The following DPYSL3 variants were observed in gnomAD, a reference collection of about 807,000 sequenced individuals.
DPYSL3 encodes dihydropyrimidinase-related protein 3.
DPYSL3 carries 16 observed loss-of-function variants against 66.1 expected under a neutral mutation model. The observed-to-expected ratio is 0.24, with a 90% CI of 0.16 to 0.37. The LOEUF is 0.37. Among genes scored for constraint, DPYSL3 ranks in the 10% least tolerant of loss-of-function variants. The pLI, the probability that DPYSL3 is intolerant of heterozygous loss-of-function variation, is 1.00. For synonymous variants in DPYSL3, 338 were observed against 345.1 expected (o/e 0.98, Z 0.23); for missense variants, 738 against 916.2 (o/e 0.81, Z 2.51).
At chr5:147,452,538 A>G (rs1752751815) in intron 1 of DPYSL3, among the ~76,000 whole-genome samples, 1 of 151,988 alleles carries the variant, frequency 6.6e-6, no homozygotes, top group African/African-American at 2.4e-5. Flanking sequence ...GTTAGTTTTT[A>G]TTTATTCTAT....
chr5:147,483,960 C>A (rs905111314), intron 1 of DPYSL3, among the ~76,000 whole-genome samples: 1 of 152,320 alleles, frequency 6.6e-6, no homozygotes, highest in African/African-American at 2.4e-5. Flanking sequence ...GAACATTACA[C>A]GTCACTTTCC....
chr5:147,451,892 G>A (rs900978952), intron 1 of DPYSL3, among the ~76,000 whole-genome samples: 7 of 151,900 alleles, frequency 4.6e-5, no homozygotes, highest in African/African-American at 1.7e-4. Flanking sequence ...GGAAAGACAA[G>A]ACAGTCAGCA....
chr5:147,498,822 G>C (rs1454292821), intron 1 of DPYSL3, among the ~76,000 whole-genome samples: 1 of 152,026 alleles, frequency 6.6e-6, no homozygotes, highest in African/African-American at 2.4e-5. Context: ...ATTTGTTTAA[G>C]TTCCTTATAG....
chr5:147,488,237 C>G (rs1753364451), intron 1 of DPYSL3, among the ~76,000 whole-genome samples: 1 of 152,110 alleles, frequency 6.6e-6, no homozygotes. Flanking sequence ...ACATCAGAAG[C>G]TAGGAGGCTC....
At chr5:147,507,560 T>C (rs901969601) in intron 1 of DPYSL3, among the ~76,000 whole-genome samples, 3 of 152,126 alleles carry the variant, frequency 2.0e-5, no homozygotes, top group Non-Finnish European at 2.9e-5. Context: ...AAATACACAA[T>C]CTCTACCCTC....
chr5:147,478,001 C>T (rs1753184980), intron 1 of DPYSL3, among the ~76,000 whole-genome samples: 1 of 152,342 alleles, frequency 6.6e-6, no homozygotes. Context: ...TTGCTTTTTA[C>T]AGCCAGGACC....
rs1758154221 is a variant in DPYSL3 at position 147,400,920 on chromosome 5, T to G, written c.1311-87A>C. ...AGAGTCTTGTGTTTACTGTGAGGGTTTGCACTCTGACTATTTGGGTTTGGA... is the reference window on the plus strand; with the variant it reads ...AGAGTCTTGTGTTTACTGTGAGGGTGTGCACTCTGACTATTTGGGTTTGGA... On this transcript the variant is annotated intron_variant, in intron 9 of 13. Coordinates refer to ENST00000343218, the MANE Select transcript of DPYSL3 (RefSeq NM_001197294.2). The G allele has an allele frequency of 2.7e-6, 4 of 1,508,220 alleles. No individual in the cohort carries two copies. The Admixed American group carries it at 8.0e-5, about 30-fold the overall frequency. The allele number at this position is 1,508,220 out of a possible 1,614,324, so 93.4% of individuals were successfully genotyped here. A position where few individuals can be genotyped will look rare whatever the true frequency, so the allele number is the denominator to read the frequency against.
At chr5:147,496,547 T>C (rs1332325492) in intron 1 of DPYSL3, among the ~76,000 whole-genome samples, 1 of 151,560 alleles carries the variant, frequency 6.6e-6, no homozygotes, top group East Asian at 1.9e-4. Flanking sequence ...TCAAACAAAT[T>C]TACAAGAAAA....
chr5:147,401,784 C>T (rs1399099651), intron 8 of DPYSL3, 88 bp from the exon 9 acceptor site: 10 of 1,508,390 alleles, frequency 6.6e-6, no homozygotes, highest in South Asian at 5.0e-5. Context: ...CTAAGCCTAC[C>T]CAGGACTGTG....
intron 12 of DPYSL3, 53 bp downstream of exon 12, chr5:147,397,613 C>T (rs1758029231): frequency 5.1e-6 from 8 of 1,562,186 alleles, no homozygotes; most frequent in South Asian, 2.4e-5. Flanking sequence ...TATCTCTGAG[C>T]GTGAGTGGAA....
chr5:147,468,125 T>C (rs1422680188), intron 1 of DPYSL3, among the ~76,000 whole-genome samples: 1 of 152,228 alleles, frequency 6.6e-6, no homozygotes, highest in Non-Finnish European at 1.5e-5. Context: ...TCCTTTATAA[T>C]GCATAAAAAG....
In DPYSL3 at chr5:147,395,641, G is replaced by T. The variant is rs1241576766; in HGVS notation, c.1884C>A (p.Thr628=). Residue 628 remains threonine, a synonymous_variant, in exon 13 of 14, where the codon ACC becomes ACA. Coordinates refer to ENST00000343218, the MANE Select transcript of DPYSL3 (RefSeq NM_001197294.2). ...GAGAGCCCCGAGCAGAGCCTGCGGG[G>T]GTGCCACCTTTGGGGGTGGTGGTCA... ...FDLTTTPKGG[T]PAGSARGSPT... is the part of the protein sequence containing the mutation. The T allele has an allele frequency of 3.7e-6, 6 of 1,614,148 alleles. No homozygotes were observed. The highest frequency in any genetic ancestry group is 5.1e-6 in the Non-Finnish European group (6 of 1,180,056).
At chr5:147,465,891 G>T (rs1284652985) in intron 1 of DPYSL3, among the ~76,000 whole-genome samples, 1 of 152,108 alleles carries the variant, frequency 6.6e-6, no homozygotes, top group Admixed American at 6.5e-5. Context: ...CCCTTCCACA[G>T]ATGTCGATCC....
At chr5:147,396,284 C>T (rs1757968589) in intron 12 of DPYSL3, among the ~76,000 whole-genome samples, 1 of 152,174 alleles carries the variant, frequency 6.6e-6, no homozygotes, top group South Asian at 2.1e-4. Flanking sequence ...TGGCTGTGAA[C>T]TTGCCCTGGG....
chr5:147,509,538 C>A lies in DPYSL3; in HGVS notation c.321G>T (p.Gly107=), dbSNP rs1458577532. Residue 107 remains glycine (G), a synonymous_variant, in exon 1 of 14, where the codon GGG becomes GGT. Coordinates refer to ENST00000343218, the MANE Select transcript of DPYSL3 (RefSeq NM_001197294.2). The surrounding 1 kb of genome is among the most constrained non-coding windows in gnomAD (Gnocchi z 5.3). ...TGCCGGTGGCGCTCCGGATCTCTACCCCGGCGGGGGCGGGGGAGGCGGGCG... is the reference window on the plus strand; with the variant it reads ...TGCCGGTGGCGCTCCGGATCTCTACACCGGCGGGGGCGGGGGAGGCGGGCG... ...EPAPASPAPA[G]VEIRSATGKE... 1 of 1,534,634 alleles carries A rather than the reference C, an allele frequency of 6.5e-7. No homozygotes were observed. The highest frequency in any genetic ancestry group is 1.2e-5 in the South Asian group (1 of 83,886).
In DPYSL3 at chr5:147,399,144, T is replaced by C. The variant is rs772341292; in HGVS notation, c.1561A>G (p.Ser521Gly). The change falls in exon 11 of 14, where the codon AGC becomes GGC. Residue 521 changes from serine (S) to glycine (G), a missense_variant. By Grantham distance (56) the Ser-to-Gly change is moderately conservative. Transcript: ENST00000343218. ...TCTGGATCCCAGATGACGAGGTCGC[T>C]GTCAGAACCCACAGATATTCTTCCC... ...RKGRISVGSDSDLVIWDPDAV... is the reference protein window; with the variant it reads ...RKGRISVGSDGDLVIWDPDAV... 1.2e-6 allele frequency: 2 copies of C among 1,614,230 alleles called. No individual in the cohort carries two copies. The highest frequency in any genetic ancestry group is 2.2e-5 in the East Asian group (1 of 44,872).
chr5:147,466,168 A>T (rs1051347012), intron 1 of DPYSL3, among the ~76,000 whole-genome samples: 2 of 152,196 alleles, frequency 1.3e-5, no homozygotes, highest in African/African-American at 4.8e-5. Flanking sequence ...TTGACAGAAT[A>T]TGTATTCTCC....
intron 1 of DPYSL3, among the ~76,000 whole-genome samples, chr5:147,477,476 T>C (rs1164208187): frequency 6.6e-6 from 1 of 151,210 alleles, no homozygotes; most frequent in Non-Finnish European, 1.5e-5. Context: ...ATGGCTGTGA[T>C]ATTTCCAGAA....
intron 1 of DPYSL3, among the ~76,000 whole-genome samples, chr5:147,435,616 CA>C (rs777557863): frequency 2.0e-5 from 3 of 151,470 alleles, no homozygotes; most frequent in Non-Finnish European, 4.4e-5. Flanking sequence ...GAAGGATCTT[CA>C]AAAAATAAGT....
Sources: gnomAD v4.1 joint callset for allele counts (sites outside exome capture counted in the v4.1 genomes callset) on GRCh38, gnomAD v4.1.1 for gene constraint, Gnocchi (gnomAD v3.1) non-coding constraint, MANE v1.5 for transcripts, NCBI Gene and HGNC (gene_info 2026-07-23, HGNC 2026-07-21) for gene names.